The following CDH5 variants were observed in gnomAD, a reference collection of about 807,000 sequenced individuals.
CDH5 encodes the protein cadherin-5.
Under a neutral mutation model 62.0 loss-of-function variants are expected in CDH5, and 28 were observed. The observed-to-expected ratio is 0.45, with a 90% CI of 0.33 to 0.62. CDH5 has a LOEUF of 0.62. CDH5 is among the 20% of genes least tolerant of loss of function. CDH5 has a pLI of 0.02. For missense variants in CDH5, 940 were observed against 1,065.1 expected, an observed-to-expected ratio of 0.88 and a Z score of 1.63; for synonymous variants, 464 against 445.8, an observed-to-expected ratio of 1.04 and a Z score of -0.52.
intron 1 of CDH5, among the ~76,000 whole-genome samples, chr16:66,368,691 G>A (rs907155292): frequency 2.6e-5 from 4 of 152,140 alleles, no homozygotes; most frequent in Non-Finnish European, 5.9e-5. Flanking sequence ...TGGGACCATC[G>A]AGGCTGAGGG....
intron 2 of CDH5, among the ~76,000 whole-genome samples, chr16:66,384,142 T>TG (rs1217931982): frequency 7.2e-6 from 1 of 138,330 alleles, no homozygotes; most frequent in African/African-American, 2.8e-5. Context: ...TGGAGTGCAG[T>TG]GGCGTGATCT....
chr16:66,379,278 C>G (rs1005002664), intron 1 of CDH5, 41 bp from the exon 2 acceptor site: 15 of 1,444,752 alleles, frequency 1.0e-5, no homozygotes, highest in Non-Finnish European at 3.8e-6. Context: ...CTCCTTTCAT[C>G]GTCACTGGCC....
At chr16:66,369,435 C>T (rs1960645317) in intron 1 of CDH5, among the ~76,000 whole-genome samples, 1 of 152,142 alleles carries the variant, frequency 6.6e-6, no homozygotes, top group South Asian at 2.1e-4. Context: ...ATCCTCCTGC[C>T]CAGGGAGGCA....
At chr16:66,375,030 T>G (rs201470074) in intron 1 of CDH5, among the ~76,000 whole-genome samples, 2 of 152,044 alleles carry the variant, frequency 1.3e-5, no homozygotes, top group East Asian at 1.9e-4. Context: ...TTCAGGTGAT[T>G]TCGCTGTTGT....
chr16:66,388,580 C>G (rs1404597784), intron 4 of CDH5, 140 bp downstream of exon 4: 9 of 649,070 alleles, frequency 1.4e-5, no homozygotes, highest in Admixed American at 7.0e-5. Context: ...TGGAAGTAGT[C>G]AGTATCATAT....
In CDH5 at chr16:66,403,248, C is replaced by T. The variant is rs1961331359; in HGVS notation, c.*79C>T. The T allele has an allele frequency of 7.4e-7, 1 of 1,348,972 alleles. No individual in the cohort carries two copies. Among genetic ancestry groups the T allele is most frequent in the East Asian group, 2.5e-5 (1 of 40,030 alleles). 83.6% of individuals were successfully genotyped at this position (1,348,972 alleles called of 1,614,324 possible). ...GTCAGACGCCAGGCACCACAGCCTCCAAAAATGGCAGTGACTCCCCAGCCC... is the reference window on the plus strand; with the variant it reads ...GTCAGACGCCAGGCACCACAGCCTCTAAAAATGGCAGTGACTCCCCAGCCC... On this transcript the variant is annotated 3_prime_UTR_variant, in exon 12 of 12. Transcript: ENST00000341529. This position sits in a 1 kb window ranked among gnomAD's most constrained non-coding sequence, Gnocchi z 4.3.
chr16:66,384,078 CTT>C (rs35435487), intron 2 of CDH5, among the ~76,000 whole-genome samples: 2 of 71,364 alleles, frequency 2.8e-5, no homozygotes, highest in Non-Finnish European at 5.0e-5. Flanking sequence ...GGAGTCCAGC[CTT>C]TTTTTTTTTT....
At chr16:66,392,476 A>AGCCAGTTCCCCTCT in intron 7 of CDH5, 93 bp downstream of exon 7, 1 of 1,519,028 alleles carries the variant, frequency 6.6e-7, no homozygotes, top group Non-Finnish European at 9.0e-7. Context: ...AGAGAGGGGA[A>AGCCAGTTCCCCTCT]CTGGCTTCTC....
intron 1 of CDH5, among the ~76,000 whole-genome samples, chr16:66,373,740 T>A (rs746567788): frequency 1.3e-5 from 2 of 152,124 alleles, no homozygotes; most frequent in Non-Finnish European, 2.9e-5. Flanking sequence ...GCTTTTCAGA[T>A]GGGAAGGTCC....
At chr16:66,377,209 C>A (rs1174841048) in intron 1 of CDH5, 1 of 152,390 alleles carries the variant, frequency 6.6e-6, no homozygotes, top group Admixed American at 6.5e-5. Flanking sequence ...GGACTCCCAA[C>A]CTGCCTCCTT....
chr16:66,366,989 G>A (rs911054037), intron 1 of CDH5, among the ~76,000 whole-genome samples: 10 of 152,250 alleles, frequency 6.6e-5, no homozygotes, highest in African/African-American at 2.4e-4. Context: ...AGGGGGGCAG[G>A]GCAAGGGCTT....
chr16:66,389,069 C>T (rs974214092), intron 4 of CDH5, among the ~76,000 whole-genome samples: 7 of 152,348 alleles, frequency 4.6e-5, no homozygotes, highest in Admixed American at 4.6e-4. Flanking sequence ...GCAGACATCA[C>T]TAATCTATCA....
chr16:66,385,380 G>GA (rs1960965502), intron 2 of CDH5, among the ~76,000 whole-genome samples: 1 of 152,134 alleles, frequency 6.6e-6, no homozygotes, highest in African/African-American at 2.4e-5. Context: ...ATGTTACACA[G>GA]AAAAATGGTT....
chr16:66,387,663 T>G (rs1299298179), intron 3 of CDH5, among the ~76,000 whole-genome samples: 2 of 152,272 alleles, frequency 1.3e-5, no homozygotes, highest in Non-Finnish European at 2.9e-5. Flanking sequence ...TCACTTCCTC[T>G]GACTGTCAGG....
chr16:66,372,547 G>A (rs1960710343), intron 1 of CDH5, among the ~76,000 whole-genome samples: 1 of 152,184 alleles, frequency 6.6e-6, no homozygotes. Flanking sequence ...CAGGCAGCTG[G>A]AGAGGAGCAG....
At chr16:66,396,353 C>A in intron 8 of CDH5, 152 bp downstream of exon 8, 1 of 861,960 alleles carries the variant, frequency 1.2e-6, no homozygotes, top group Non-Finnish European at 1.8e-6. Context: ...CTCCCATGCC[C>A]AAGTGTGGTC....
Position 66,402,888 on chromosome 16 carries a change from C to A in CDH5, c.2074C>A (p.Pro692Thr). 6.2e-7 allele frequency: 1 copy of A among 1,610,414 alleles called. No individual in the cohort carries two copies. ...CCTCTATGCGCAGGTGCAGAAGCCA[C>A]CGAGGCACGCGCCTGGGGCACACGG... ...PSLYAQVQKPPRHAPGAHGGP... is the reference protein window; with the variant it reads ...PSLYAQVQKPTRHAPGAHGGP... The change falls in exon 12 of 12, where the codon CCG (proline) becomes ACG (threonine). Residue 692 changes from proline to threonine, a missense_variant. Physicochemically the swap from Pro to Thr is conservative, Grantham distance 38. Coordinates refer to ENST00000341529, the MANE Select transcript of CDH5 (RefSeq NM_001795.5).
chr16:66,373,263 ATCTCC>A (rs1960724959), intron 1 of CDH5, among the ~76,000 whole-genome samples: 1 of 152,186 alleles, frequency 6.6e-6, no homozygotes, highest in Non-Finnish European at 1.5e-5. Context: ...CTATGACCAC[ATCTCC>A]AGAGGCTGCA....
In CDH5 at chr16:66,398,209, C is replaced by A. The variant is rs1029606523; in HGVS notation, c.1485+103C>A. ...AGCAGGAGTTCCCCTGTACAATAGC[C>A]TTGAGGAAAATAACATTATGCCCAT... On this transcript the variant is annotated intron_variant, in intron 9 of 11. Coordinates refer to ENST00000341529, the MANE Select transcript of CDH5 (RefSeq NM_001795.5). 1.6e-5 allele frequency: 22 copies of A among 1,370,600 alleles called. No individual in the cohort carries two copies. The African/African-American group carries it at 2.3e-4, about 14-fold the overall frequency. 84.9% of individuals were successfully genotyped at this position (1,370,600 alleles called of 1,614,324 possible).
Sources: allele counts gnomAD v4.1 joint callset (sites outside exome capture counted in the v4.1 genomes callset), GRCh38; gene constraint gnomAD v4.1.1; non-coding constraint Gnocchi (gnomAD v3.1); transcripts MANE v1.5; gene names NCBI Gene and HGNC (gene_info 2026-07-23, HGNC 2026-07-21).